Variants in CD34 observed in about 807,000 individuals in gnomAD.
CD34 encodes hematopoietic progenitor cell antigen CD34.
In CD34, 34 loss-of-function variants were observed where a neutral mutation model predicts 40.1. That is an observed-to-expected ratio of 0.85 (90% CI 0.65 to 1.13). The LOEUF (loss-of-function observed/expected upper bound fraction) is 1.13. Ranked by LOEUF, CD34 falls within the 50% of genes most tolerant of loss-of-function variation. CD34 has a pLI of 0.00. For missense variants in CD34, 426 were observed against 466.9 expected (o/e 0.91, Z 0.81); for synonymous variants, 209 against 190.0 (o/e 1.10, Z -0.82).
At chr1:207,888,254 T>A (rs1486214323) in intron 7 of CD34, 1 of 870,582 alleles carries the variant, frequency 1.1e-6, no homozygotes, top group Admixed American at 1.9e-5. Context: ...GAGGCCAAGA[T>A]TCAGACCTCA....
In CD34 at chr1:207,883,399, A is replaced by G. The variant is rs1175678849; in HGVS notation, c.*4339T>C. On this transcript the variant is annotated 3_prime_UTR_variant, in exon 8 of 8. Coordinates refer to ENST00000310833, the MANE Select transcript of CD34 (RefSeq NM_001025109.2). ...GCTGGAAAGGGTCCTGCCCACATCT[A>G]GATACAAAGCACTTCATTTAGTCTT... The G allele has an allele frequency of 1.3e-5, 2 of 152,186 alleles. No individual in the cohort carries two copies. Among genetic ancestry groups the G allele is most frequent in the African/African-American group, 4.8e-5 (2 of 41,426 alleles). The allele number at this position is 152,186 out of a possible 1,614,324, so 9.4% of individuals were successfully genotyped here.
intron 1 of CD34, among the ~76,000 whole-genome samples, chr1:207,910,349 C>G (rs755758158): frequency 2.6e-5 from 4 of 152,138 alleles, no homozygotes; most frequent in Non-Finnish European, 4.4e-5. Context: ...CTACCTCCTC[C>G]GCGGTGGGGT....
intron 1 of CD34, among the ~76,000 whole-genome samples, chr1:207,906,326 C>A (rs526254): frequency 8.5e-5 from 13 of 152,144 alleles, no homozygotes; most frequent in Non-Finnish European, 1.5e-4. Context: ...CTTTGGGAGA[C>A]AAGTGATCCA....
chr1:207,889,366 C>CTG (rs1661981109), intron 5 of CD34, 99 bp downstream of exon 5: 1 of 1,531,996 alleles, frequency 6.5e-7, no homozygotes, highest in South Asian at 1.2e-5. Flanking sequence ...TCCCCAGCAC[C>CTG]TGTGGTCTCT....
intron 2 of CD34, 34 bp downstream of exon 2, chr1:207,899,787 T>A: frequency 6.3e-7 from 1 of 1,574,804 alleles, no homozygotes; most frequent in East Asian, 2.3e-5. Context: ...ATCACCAGCA[T>A]CTCTCCGGGA....
Position 207,886,403 on chromosome 1 carries a change from C to G in CD34, c.*1335G>C, listed in dbSNP as rs913532469. 2 of 141,624 alleles carry G rather than the reference C, an allele frequency of 1.4e-5. No individual in the cohort carries two copies. Among genetic ancestry groups the G allele is most frequent in the African/African-American group, 5.2e-5 (2 of 38,354 alleles). The allele number at this position is 141,624 out of a possible 1,614,324, so 8.8% of individuals were successfully genotyped here. A position where few individuals can be genotyped will look rare whatever the true frequency, so the allele number is the denominator to read the frequency against. On this transcript the variant is annotated 3_prime_UTR_variant, in exon 8 of 8. Transcript: ENST00000310833. ...AAGGTCCTTAGCATCCTGGCTGGTG[C>G]CTGTGTCTGCTGAGGTGCTCCCTCT...
intron 4 of CD34, among the ~76,000 whole-genome samples, chr1:207,896,488 A>C (rs886604469): frequency 2.0e-5 from 3 of 152,230 alleles, no homozygotes; most frequent in African/African-American, 7.2e-5. Flanking sequence ...AAGCTCCTAG[A>C]ATCAATAGGC....
chr1:207,905,939 G>A (rs1239232879), intron 1 of CD34, among the ~76,000 whole-genome samples: 1 of 152,184 alleles, frequency 6.6e-6, no homozygotes, highest in South Asian at 2.1e-4. Flanking sequence ...TCTGAAATTT[G>A]AAACACTTCT....
rs1201130392 is a variant in CD34 at position 207,882,191 on chromosome 1, G to A, written c.*5547C>T. On this transcript the variant is annotated 3_prime_UTR_variant, in exon 8 of 8. Transcript: ENST00000310833. ...GAGAGAAGAAGGCAGAATTGGGAGG[G>A]ACTTTTGGACTCAAGGAATGACATG... 6.6e-6 allele frequency: 1 copy of A among 152,232 alleles called. No individual in the cohort carries two copies. The highest frequency in any genetic ancestry group is 1.5e-5 in the Non-Finnish European group (1 of 68,050). 9.4% of individuals were successfully genotyped at this position (152,232 alleles called of 1,614,324 possible).
At position 207,887,934 on chromosome 1, in the gene CD34, TATAA is replaced by T. The variant is rs1421515742; in HGVS notation, c.973-15_973-12del. 2.5e-6 allele frequency: 4 copies of T among 1,606,882 alleles called. No individual in the cohort carries two copies. The highest frequency in any genetic ancestry group is 3.4e-5 in the Admixed American group (2 of 59,156). On this transcript the variant is annotated splice_polypyrimidine_tract_variant and intron_variant, in intron 7 of 7. Coordinates refer to ENST00000310833, the MANE Select transcript of CD34 (RefSeq NM_001025109.2). The stretch of plus-strand genomic sequence containing the variant: ...ATAAGGGTCTTCGCCCTAGACAGTG[TATAA>T]ATAAAGTAGCATTATCTGGTAAGCA...
At chr1:207,888,186 G>A in intron 7 of CD34, 1 of 1,568,798 alleles carries the variant, frequency 6.4e-7, no homozygotes, top group Non-Finnish European at 8.8e-7. Context: ...AGCTCCCGCA[G>A]GAAAACGGGC....
At chr1:207,890,448 G>C (rs1662009109) in intron 4 of CD34, 1 of 156,140 alleles carries the variant, frequency 6.4e-6, no homozygotes, top group Admixed American at 6.5e-5. Flanking sequence ...CCTGTTAGGG[G>C]AAAACTGCTG....
chr1:207,910,388 C>T (rs1428879470), intron 1 of CD34, among the ~76,000 whole-genome samples: 2 of 152,180 alleles, frequency 1.3e-5, no homozygotes, highest in Non-Finnish European at 2.9e-5. Context: ...AACTCAGCTT[C>T]CCAATCTTAA....
intron 3 of CD34, 101 bp downstream of exon 3, chr1:207,898,872 C>T: frequency 4.7e-6 from 6 of 1,274,686 alleles, no homozygotes; most frequent in Non-Finnish European, 6.7e-6. Context: ...GACCCAAATC[C>T]CACTGGCAGG....
intron 1 of CD34, among the ~76,000 whole-genome samples, chr1:207,908,340 A>G (rs1662428691): frequency 6.6e-6 from 1 of 152,248 alleles, no homozygotes; most frequent in African/African-American, 2.4e-5. Context: ...GGTGGTGCCA[A>G]CTGGGTTGGG....
intron 1 of CD34, among the ~76,000 whole-genome samples, chr1:207,906,887 T>C (rs112218061): frequency 2.0e-5 from 3 of 151,414 alleles, no homozygotes; most frequent in African/African-American, 7.3e-5. Flanking sequence ...TAGCATGTCT[T>C]GGACCCCATC....
At chr1:207,897,631 C>T in intron 3 of CD34, 58 bp from the exon 4 acceptor site, 1 of 1,350,720 alleles carries the variant, frequency 7.4e-7, no homozygotes, top group Non-Finnish European at 1.0e-6. Context: ...ATCTTTGCTC[C>T]TCATTTCTTT....
In CD34 at chr1:207,898,942, C is replaced by T. The variant is rs376393304; in HGVS notation, c.516+31G>A. The T allele has an allele frequency of 4.3e-5, 69 of 1,611,552 alleles. 1 individual carries two copies. In the African/African-American group the frequency reaches 8.7e-4, roughly 20 times the overall value. On this transcript the variant is annotated intron_variant, in intron 3 of 7. Transcript: ENST00000310833. ...GCCTGCATACATATGAAGTGAGGGG[C>T]AATCTGCCATTTTTGGCCCAATTCA...
At chr1:207,903,265 TA>T (rs1292049760) in intron 1 of CD34, among the ~76,000 whole-genome samples, 1 of 152,152 alleles carries the variant, frequency 6.6e-6, no homozygotes, top group Non-Finnish European at 1.5e-5. Context: ...TCCATGGCAT[TA>T]AACCATCAAA....
Sources: gnomAD v4.1 joint callset for allele counts (sites outside exome capture counted in the v4.1 genomes callset) on GRCh38, gnomAD v4.1.1 for gene constraint, MANE v1.5 for transcripts, NCBI Gene and HGNC (gene_info 2026-07-23, HGNC 2026-07-21) for gene names.